The following CFAP210 variants were observed in gnomAD, a reference collection of about 807,000 sequenced individuals.
CFAP210 encodes cilia and flagella associated protein 210, also known as cilia- and flagella- associated protein 210.
At chr2:169,674,224 G>A in the CFAP210 span, among the ~76,000 whole-genome samples, 2 of 152,248 alleles carry the variant, frequency 1.3e-5, no homozygotes, top group African/African-American at 4.8e-5. Context: ...CACATGGAGC[G>A]GATCAGAATA....
chr2:169,678,360 A>G, the CFAP210 span, among the ~76,000 whole-genome samples: 47 of 134,456 alleles, frequency 3.5e-4, no homozygotes, highest in South Asian at 3.9e-3. Context: ...AAAAAAAAAA[A>G]AAAGAAAGAA....
At chr2:169,647,834 C>T in the CFAP210 span, among the ~76,000 whole-genome samples, 1 of 152,004 alleles carries the variant, frequency 6.6e-6, no homozygotes, top group Non-Finnish European at 1.5e-5. Context: ...ATTTTTAAAA[C>T]TTCTAAAACC....
the CFAP210 span, chr2:169,681,114 C>A: frequency 2.5e-6 from 4 of 1,613,896 alleles, no homozygotes; most frequent in African/African-American, 1.3e-5. Flanking sequence ...GTCAACCTGT[C>A]AAGGCTATCT....
chr2:169,664,026 TAA>T, the CFAP210 span, among the ~76,000 whole-genome samples: 33 of 102,010 alleles, frequency 3.2e-4, no homozygotes, highest in Admixed American at 4.1e-4. Context: ...CCAACTCTAC[TAA>T]AAAAAAAAAA....
chr2:169,690,527 G>A, the CFAP210 span, among the ~76,000 whole-genome samples: 17 of 152,024 alleles, frequency 1.1e-4, no homozygotes, highest in Non-Finnish European at 2.9e-5. Context: ...ACCAGGTGTG[G>A]TGGCGGGTGC....
chr2:169,662,189 C>A, the CFAP210 span: 1 of 1,344,552 alleles, frequency 7.4e-7, no homozygotes, highest in South Asian at 1.3e-5. Flanking sequence ...CACATGTACT[C>A]CATAAACATG....
the CFAP210 span, among the ~76,000 whole-genome samples, chr2:169,647,903 G>A: frequency 4.6e-5 from 7 of 151,968 alleles, no homozygotes; most frequent in East Asian, 1.9e-4. Flanking sequence ...ATGCGTAGTC[G>A]TAGCACTTTG....
the CFAP210 span, among the ~76,000 whole-genome samples, chr2:169,678,893 T>C: frequency 3.9e-5 from 6 of 152,030 alleles, no homozygotes; most frequent in Non-Finnish European, 7.4e-5. Context: ...GGACCTAGAA[T>C]AGTGAAAACA....
At chr2:169,674,971 G>A in the CFAP210 span, 1 of 1,545,426 alleles carries the variant, frequency 6.5e-7, no homozygotes, top group Non-Finnish European at 8.7e-7. Flanking sequence ...TCCAGATCAA[G>A]AATTTGTCTT....
At chr2:169,686,104 G>A in the CFAP210 span, among the ~76,000 whole-genome samples, 61,955 of 151,858 alleles carry the variant, frequency 0.41, 12,916 homozygotes, top group Non-Finnish European at 0.44. Flanking sequence ...CTACACCCTC[G>A]AACTCCCGGT....
chr2:169,693,574 A>G, the CFAP210 span, among the ~76,000 whole-genome samples: 1 of 152,266 alleles, frequency 6.6e-6, no homozygotes, highest in Non-Finnish European at 1.5e-5. Flanking sequence ...AGTTGTCACC[A>G]TGACAACATT....
At chr2:169,650,793 TTATC>T in the CFAP210 span, among the ~76,000 whole-genome samples, 4 of 147,212 alleles carry the variant, frequency 2.7e-5, no homozygotes, top group East Asian at 2.0e-4. Context: ...GATCTTAAAA[TTATC>T]TACACTGAAA....
the CFAP210 span, among the ~76,000 whole-genome samples, chr2:169,682,142 T>G: frequency 2.7e-3 from 406 of 152,288 alleles, 1 homozygote; most frequent in African/African-American, 9.4e-3. Flanking sequence ...TCATAACAGA[T>G]CTCCTTGGAA....
At chr2:169,657,495 A>T in the CFAP210 span, among the ~76,000 whole-genome samples, 3 of 152,208 alleles carry the variant, frequency 2.0e-5, no homozygotes, top group Admixed American at 2.0e-4. Flanking sequence ...AGGCGGACAG[A>T]TCACTTGAGG....
the CFAP210 span, among the ~76,000 whole-genome samples, chr2:169,669,769 C>T: frequency 3.0e-5 from 4 of 131,668 alleles, no homozygotes; most frequent in African/African-American, 8.9e-5. Context: ...AGCGAGACTC[C>T]GTCTTAAAAA....
chr2:169,653,082 A>C, the CFAP210 span, among the ~76,000 whole-genome samples: 1 of 126,634 alleles, frequency 7.9e-6, no homozygotes, highest in East Asian at 2.2e-4. Flanking sequence ...GTGTGTATAT[A>C]TATGTATGTA....
At chr2:169,675,623 C>T in the CFAP210 span, among the ~76,000 whole-genome samples, 2 of 152,196 alleles carry the variant, frequency 1.3e-5, no homozygotes, top group East Asian at 1.9e-4. Flanking sequence ...GATCCACTCA[C>T]CTCCCAGCAG....
At chr2:169,677,541 A>C in the CFAP210 span, among the ~76,000 whole-genome samples, 2 of 152,214 alleles carry the variant, frequency 1.3e-5, no homozygotes, top group South Asian at 4.1e-4. Flanking sequence ...CAAAACACTC[A>C]ACAATTTCGA....
the CFAP210 span, chr2:169,674,891 C>G: frequency 6.6e-7 from 1 of 1,519,410 alleles, no homozygotes; most frequent in Non-Finnish European, 8.8e-7. Flanking sequence ...CTCTTTCTGT[C>G]TGGTAAAATT....
Sources: allele counts gnomAD v4.1 joint callset (sites outside exome capture counted in the v4.1 genomes callset), GRCh38; gene constraint gnomAD v4.1.1; transcripts MANE v1.5; gene names NCBI Gene and HGNC (gene_info 2026-07-23, HGNC 2026-07-21).